Variants in ALMS1 observed in about 807,000 individuals in gnomAD.
ALMS1 encodes the protein ALMS1 centrosome and basal body associated protein.
In ALMS1, 271 loss-of-function variants were observed where a neutral mutation model predicts 352.2. The ratio of observed to expected loss-of-function variants is 0.77; its 90% CI spans 0.70 to 0.85. ALMS1 has a LOEUF of 0.85. ALMS1 is among the 40% of genes least tolerant of loss of function. ALMS1 has a pLI of 0.00. For missense variants in ALMS1, 5,445 were observed against 4,870.7 expected (o/e 1.12, Z -3.51); for synonymous variants, 1,865 against 1,761.2 (o/e 1.06, Z -1.48).
chr2:73,414,779 T>C (rs1200703822), intron 2 of ALMS1, among the ~76,000 whole-genome samples: 2 of 152,130 alleles, frequency 1.3e-5, no homozygotes, highest in Non-Finnish European at 2.9e-5. Flanking sequence ...TCTTCCTTTG[T>C]TAAACCTTAG....
intron 9 of ALMS1, among the ~76,000 whole-genome samples, chr2:73,475,450 T>G (rs1205603296): frequency 6.6e-6 from 1 of 152,096 alleles, no homozygotes; most frequent in Non-Finnish European, 1.5e-5. Flanking sequence ...TTTATTGTGT[T>G]TTTTACCTAT....
intron 10 of ALMS1, among the ~76,000 whole-genome samples, chr2:73,493,720 CA>C (rs943647102): frequency 6.2e-5 from 9 of 145,804 alleles, no homozygotes; most frequent in South Asian, 2.2e-4. Context: ...GACTCTGCCT[CA>C]AAAAAAAAAT....
At chr2:73,590,435 A>C (rs1675404395) in intron 16 of ALMS1, among the ~76,000 whole-genome samples, 1 of 152,204 alleles carries the variant, frequency 6.6e-6, no homozygotes. Context: ...TTTTATAAGT[A>C]AGCCCATATT....
At chr2:73,521,778 C>G (rs915991102) in intron 11 of ALMS1, among the ~76,000 whole-genome samples, 3 of 151,836 alleles carry the variant, frequency 2.0e-5, no homozygotes, top group Non-Finnish European at 4.4e-5. Flanking sequence ...ATATTTTAAA[C>G]TTCTACTGTC....
chr2:73,385,820 C>T, upstream of ALMS1: 1 of 679,716 alleles, frequency 1.5e-6, no homozygotes, highest in Non-Finnish European at 2.7e-6. Context: ...CCCTTCCCCT[C>T]CCTCCCCCCC....
At chr2:73,472,080 G>T (rs548631666) in intron 9 of ALMS1, among the ~76,000 whole-genome samples, 6 of 152,090 alleles carry the variant, frequency 3.9e-5, no homozygotes, top group African/African-American at 1.4e-4. Context: ...CTATGTGAAA[G>T]AATCCAGTCA....
intron 9 of ALMS1, among the ~76,000 whole-genome samples, chr2:73,465,616 A>G (rs1451853393): frequency 2.0e-5 from 3 of 152,316 alleles, no homozygotes; most frequent in Non-Finnish European, 2.9e-5. Context: ...AGCAATGGCA[A>G]CAAAAGCCAA....
chr2:73,539,409 A>T (rs543510541), intron 12 of ALMS1, among the ~76,000 whole-genome samples: 12 of 152,144 alleles, frequency 7.9e-5, no homozygotes, highest in Non-Finnish European at 1.8e-4. Flanking sequence ...GGTAGATAAA[A>T]CCACAGAGAT....
intron 9 of ALMS1, chr2:73,469,852 A>T (rs1558658724): frequency 1.3e-5 from 2 of 151,828 alleles, no homozygotes; most frequent in South Asian, 4.1e-4. Context: ...ACTTTTTGGT[A>T]TACTCTTAAC....
intron 3 of ALMS1, among the ~76,000 whole-genome samples, chr2:73,422,446 CTATATTATG>C (rs1396655108): frequency 2.0e-5 from 3 of 152,024 alleles, no homozygotes; most frequent in African/African-American, 7.3e-5. Context: ...CGGGTGTAGT[CTATATTATG>C]TAAGATGGGA....
Position 73,419,237 on chromosome 2 carries a change from T to C in ALMS1, c.565T>C (p.Ser189Pro), listed in dbSNP as rs760035952. 12 of 1,613,852 alleles carry C rather than the reference T, an allele frequency of 7.4e-6. 1 individual carries two copies. Among genetic ancestry groups the C allele is most frequent in the Non-Finnish European group, 9.3e-6 (11 of 1,179,942 alleles). The change falls in exon 3 of 23, where the codon TCT (serine) becomes CCT (proline). Residue 189 changes from serine (S) to proline (P), a missense_variant. Coordinates refer to ENST00000613296, the MANE Select transcript of ALMS1 (RefSeq NM_001378454.1). ...AGATACTGAAGTGACAGACTTCCCCTCTCTGGAGGAGGGCATATTGACGCA... is the reference window on the plus strand; with the variant it reads ...AGATACTGAAGTGACAGACTTCCCCCCTCTGGAGGAGGGCATATTGACGCA... ...TEDTEVTDFP[S>P]LEEGILTQSE...
chr2:73,556,134 G>A (rs1196591379), intron 13 of ALMS1, among the ~76,000 whole-genome samples: 1 of 152,054 alleles, frequency 6.6e-6, no homozygotes, highest in Non-Finnish European at 1.5e-5. Context: ...GTAAATACTT[G>A]GGTGTTCATT....
Position 73,414,995 on chromosome 2 carries a change from C to G in ALMS1, c.451-4128C>G, listed in dbSNP as rs538695075. ...CATACCCCTATACACATTTAGTTTT[C>G]AACCTCTGCTTGAAACGCTGGAATG... On this transcript the variant is annotated intron_variant, in intron 2 of 22. Transcript: ENST00000613296. Among the ~76,000 whole-genome samples, 5 of 152,234 alleles carry G rather than the reference C, an allele frequency of 3.3e-5. No individual in the cohort carries two copies. The East Asian group carries it at 9.7e-4, about 29-fold the overall frequency.
intron 15 of ALMS1, among the ~76,000 whole-genome samples, chr2:73,570,284 C>CTT (rs1167526039): frequency 2.0e-5 from 3 of 152,072 alleles, no homozygotes. Context: ...CAAGAAAAAT[C>CTT]GTAGCTTGAA....
chr2:73,465,980 A>C (rs1312872134), intron 9 of ALMS1, among the ~76,000 whole-genome samples: 1 of 149,560 alleles, frequency 6.7e-6, no homozygotes, highest in Non-Finnish European at 1.5e-5. Flanking sequence ...AAAAGTCAGG[A>C]AACAACAGGT....
chr2:73,447,686 C>A (rs1288050433), intron 7 of ALMS1, among the ~76,000 whole-genome samples: 1 of 152,150 alleles, frequency 6.6e-6, no homozygotes, highest in African/African-American at 2.4e-5. Context: ...ATTGAAAATT[C>A]TCTTAAAAAT....
chr2:73,490,834 G>C lies in ALMS1; in HGVS notation c.8875G>C (p.Asp2959His), dbSNP rs375254366. 5.0e-6 allele frequency: 8 copies of C among 1,613,732 alleles called. No individual in the cohort carries two copies. Among genetic ancestry groups the C allele is most frequent in the Non-Finnish European group, 5.1e-6 (6 of 1,179,980 alleles). Residue 2959 changes from aspartate to histidine, a missense_variant, in exon 10 of 23, where the codon GAC becomes CAC. Asp to His is a moderately conservative substitution (Grantham distance 81). Coordinates refer to ENST00000613296, the MANE Select transcript of ALMS1 (RefSeq NM_001378454.1). Reference sequence around the variant, plus strand: ...TCAAGGTCAGGATTCTATAGCTTCAGACCTTCCGTCTCCCATTTCTCTTGA... The same window carrying C: ...TCAAGGTCAGGATTCTATAGCTTCACACCTTCCGTCTCCCATTTCTCTTGA... The part of the protein sequence containing the change: ...LPQGQDSIAS[D>H]LPSPISLEQC...
chr2:73,489,548 GGTATAAAACTGATTT>G (rs548778329), intron 9 of ALMS1, 71 bp from the exon 10 acceptor site: 36 of 1,458,620 alleles, frequency 2.5e-5, no homozygotes, highest in Middle Eastern at 1.7e-4. Context: ...TCTTAGCGTG[GGTATAAAACTGATTT>G]GTATAAAACT....
At chr2:73,568,957 A>G (rs910693815) in intron 15 of ALMS1, among the ~76,000 whole-genome samples, 4 of 131,578 alleles carry the variant, frequency 3.0e-5, no homozygotes, top group African/African-American at 1.1e-4. Context: ...AGCCCTTTAT[A>G]CTTAAGGAAT....
Sources: allele counts gnomAD v4.1 joint callset (sites outside exome capture counted in the v4.1 genomes callset), GRCh38; gene constraint gnomAD v4.1.1; transcripts MANE v1.5; gene names NCBI Gene and HGNC (gene_info 2026-07-23, HGNC 2026-07-21).